RPS6KA3: variants seen among roughly 807,000 people sequenced by gnomAD.
RPS6KA3 encodes the protein ribosomal protein S6 kinase A3.
Under a neutral mutation model 67.2 loss-of-function variants are expected in RPS6KA3, and 4 were observed. The observed-to-expected ratio is 0.06, with a 90% confidence interval of 0.03 to 0.14. The LOEUF (loss-of-function observed/expected upper bound fraction) is 0.14, where lower values mean the gene tolerates loss of function less well. Among genes scored for constraint, RPS6KA3 ranks in the 10% least tolerant of loss-of-function variants. The pLI is 1.00. For missense variants in RPS6KA3, 204 were observed against 559.0 expected (o/e 0.36, Z 6.40); for synonymous variants, 182 against 183.7 (o/e 0.99, Z 0.07).
At chrX:20,188,367 C>T (rs189895221) in intron 8 of RPS6KA3, 130 bp downstream of exon 8, 336 of 435,514 alleles carry the variant, frequency 7.7e-4, no homozygotes, top group African/African-American at 7.1e-3. Context: ...TGAGCCACTA[C>T]GCCTGGCCCT....
At chrX:20,242,508 C>T (rs1569265262) in intron 1 of RPS6KA3, among the ~76,000 whole-genome samples, 1 of 111,454 alleles carries the variant, frequency 9.0e-6, no homozygotes, top group East Asian at 2.8e-4. Context: ...AAGCAGGATT[C>T]AAACCCAGAT....
intron 14 of RPS6KA3, among the ~76,000 whole-genome samples, chrX:20,173,867 T>C (rs1218475056): frequency 1.8e-5 from 2 of 112,549 alleles, no homozygotes; most frequent in Admixed American, 9.4e-5. Flanking sequence ...ACAAATGATA[T>C]CCTAAAAAGA....
At chrX:20,205,259 T>C (rs771333858) in intron 3 of RPS6KA3, among the ~76,000 whole-genome samples, 1 of 112,593 alleles carries the variant, frequency 8.9e-6, no homozygotes, top group East Asian at 2.8e-4. Context: ...CCAAATAGAT[T>C]TGAATTTCAA....
At chrX:20,258,869 T>C (rs1031640903) in intron 1 of RPS6KA3, among the ~76,000 whole-genome samples, 2 of 111,954 alleles carry the variant, frequency 1.8e-5, no homozygotes, top group Non-Finnish European at 3.8e-5. Context: ...GGACTCACAA[T>C]GTGGAGATGT....
At chrX:20,191,113 A>T (rs1014580546) in intron 7 of RPS6KA3, among the ~76,000 whole-genome samples, 7 of 111,035 alleles carry the variant, frequency 6.3e-5, no homozygotes, top group Non-Finnish European at 1.3e-4. Context: ...GAGTGAGAAC[A>T]TGCAGTGTTT....
rs148050184 is a variant in RPS6KA3 at position 20,172,853 on chromosome X, T to C, written c.1246A>G (p.Ile416Val). 3.8e-5 allele frequency: 46 copies of C among 1,205,245 alleles called. No homozygotes were observed. The African/African-American group carries it at 6.4e-4, about 17-fold the overall frequency. ...ACTTCATATCCATCAGTAAACTGAA[T>C]ACTGTTCCTGTGTAACTGCTACAAA... ...SIVQQLHRNS[I>V]QFTDGYEVKE... is the part of the protein sequence containing the mutation. Residue 416 changes from isoleucine to valine, a missense_variant, in exon 15 of 22, where the codon ATT (isoleucine) becomes GTT (valine). Coordinates refer to ENST00000379565, the MANE Select transcript of RPS6KA3 (RefSeq NM_004586.3).
intron 1 of RPS6KA3, among the ~76,000 whole-genome samples, chrX:20,246,122 G>GAAAAAA (rs5901672): frequency 1.9e-5 from 1 of 52,838 alleles, no homozygotes; most frequent in African/African-American, 5.8e-5. Context: ...TCTCGGAAAA[G>GAAAAAA]AAAAAAAAAA....
At chrX:20,224,422 C>T (rs768864051) in intron 2 of RPS6KA3, among the ~76,000 whole-genome samples, 5 of 110,981 alleles carry the variant, frequency 4.5e-5, no homozygotes, top group Non-Finnish European at 9.4e-5. Context: ...CAATTATTAA[C>T]CATCCTCATG....
chrX:20,259,747 T>C (rs192380753), intron 1 of RPS6KA3, among the ~76,000 whole-genome samples: 40 of 111,784 alleles, frequency 3.6e-4, no homozygotes, highest in Non-Finnish European at 6.4e-4. Flanking sequence ...TGCAGATTCA[T>C]TGTATACAAC....
At chrX:20,214,028 C>T (rs2068784055) in intron 2 of RPS6KA3, among the ~76,000 whole-genome samples, 1 of 111,501 alleles carries the variant, frequency 9.0e-6, no homozygotes, top group South Asian at 3.7e-4. Flanking sequence ...ATTTATCATG[C>T]ACTTTTCTAT....
At chrX:20,163,115 T>C (rs1349934405) in intron 18 of RPS6KA3, 75 bp from the exon 19 acceptor site, 10 of 690,066 alleles carry the variant, frequency 1.4e-5, no homozygotes, top group Non-Finnish European at 2.4e-5. Context: ...AGTTGAATTA[T>C]ATATTCCAAA....
At chrX:20,199,225 T>C (rs947316204) in intron 4 of RPS6KA3, among the ~76,000 whole-genome samples, 1 of 111,840 alleles carries the variant, frequency 8.9e-6, no homozygotes, top group Non-Finnish European at 1.9e-5. Flanking sequence ...AATTCTATAG[T>C]GTCTGGGATT....
intron 1 of RPS6KA3, among the ~76,000 whole-genome samples, chrX:20,247,494 G>A (rs2069723804): frequency 9.1e-6 from 1 of 109,452 alleles, no homozygotes; most frequent in African/African-American, 3.3e-5. Flanking sequence ...TTTTAAAAAC[G>A]AAAAATCTGA....
rs150107747 is a variant in RPS6KA3 at position 20,161,719 on chromosome X, T to C, written c.1884A>G (p.Glu628=). 1 of 1,160,272 alleles carries C rather than the reference T, an allele frequency of 8.6e-7. No individual in the cohort carries two copies. ...TTCCGCTACCTATTCGTGCCAATAT[T>C]TCCTCTGGTGTATCATCAGGACCAT... ...FANGPDDTPE[E]ILARIGSGKF... is the part of the protein sequence containing the mutation. Residue 628 remains glutamate, a synonymous_variant, in exon 20 of 22, where the codon GAA becomes GAG. Transcript: ENST00000379565.
chrX:20,223,619 T>A (rs1248983488), intron 2 of RPS6KA3, among the ~76,000 whole-genome samples: 1 of 112,259 alleles, frequency 8.9e-6, no homozygotes, highest in East Asian at 2.8e-4. Context: ...GTAGACAGAA[T>A]AGTATAACCT....
intron 1 of RPS6KA3, among the ~76,000 whole-genome samples, chrX:20,248,249 TTTGA>T (rs1230900621): frequency 1.8e-5 from 2 of 112,295 alleles, no homozygotes; most frequent in African/African-American, 3.2e-5. Flanking sequence ...TTGAATACTC[TTTGA>T]TTTTCTTATT....
At chrX:20,267,072 C>A, upstream of RPS6KA3, 1 of 754,804 alleles carries the variant, frequency 1.3e-6, no homozygotes, top group Non-Finnish European at 1.6e-6. Flanking sequence ...CCGCCGCCAC[C>A]ACCGCCGCGC....
intron 10 of RPS6KA3, among the ~76,000 whole-genome samples, chrX:20,183,402 A>G (rs2067893785): frequency 9.0e-6 from 1 of 110,610 alleles, no homozygotes; most frequent in Non-Finnish European, 1.9e-5. Context: ...TCATGGCCTC[A>G]AGTGATCCTC....
intron 2 of RPS6KA3, among the ~76,000 whole-genome samples, chrX:20,234,341 G>A (rs1352569094): frequency 1.8e-5 from 2 of 111,017 alleles, no homozygotes; most frequent in Non-Finnish European, 3.8e-5. Flanking sequence ...CAGGTGTGGT[G>A]GTGAGCGCCT....
Sources: allele counts gnomAD v4.1 joint callset (sites outside exome capture counted in the v4.1 genomes callset), GRCh38; gene constraint gnomAD v4.1.1; transcripts MANE v1.5; gene names NCBI Gene and HGNC (gene_info 2026-07-23, HGNC 2026-07-21).